ANKRD30A: variants seen among roughly 807,000 people sequenced by gnomAD.
ANKRD30A encodes ankyrin repeat domain 30A.
In ANKRD30A, 170 loss-of-function variants were observed where a neutral mutation model predicts 166.3. The ratio of observed to expected loss-of-function variants is 1.02; its 90% CI spans 0.90 to 1.16. ANKRD30A has a LOEUF of 1.16. ANKRD30A is among the 50% of genes most tolerant of loss of function. The pLI is 0.00. For synonymous variants in ANKRD30A, 564 were observed against 508.9 expected (o/e 1.11, Z -1.46); for missense variants, 1,630 against 1,518.0 (o/e 1.07, Z -1.23).
the ANKRD30A span, among the ~76,000 whole-genome samples, chr10:37,246,823 G>A: frequency 6.6e-6 from 1 of 152,268 alleles, no homozygotes; most frequent in Non-Finnish European, 1.5e-5. Context: ...ATTGTAGGAT[G>A]CTTACCAGAT....
chr10:37,197,125 T>C (rs1588901159), intron 27 of ANKRD30A, among the ~76,000 whole-genome samples, 156 bp from the exon 28 acceptor site: 2 of 152,150 alleles, frequency 1.3e-5, no homozygotes, highest in Admixed American at 6.6e-5. Flanking sequence ...TTGTCGTGTG[T>C]GTGTCCTAAA....
Position 37,218,779 on chromosome 10 carries a change from G to A in ANKRD30A, c.3268-201G>A, listed in dbSNP as rs1842729996. ...ATTTCTTTTGTACTTTCATGAATTC[G>A]TTGTCTTCAAATAAATGTTTGAACT... On this transcript the variant is annotated intron_variant, in intron 33 of 35. Coordinates refer to ENST00000361713, the MANE Select transcript of ANKRD30A (RefSeq NM_052997.3). Among the ~76,000 whole-genome samples the A allele has an allele frequency of 3.3e-5, 5 of 150,142 alleles. No individual in the cohort carries two copies. In the South Asian group the frequency reaches 8.3e-4, roughly 25 times the overall value.
chr10:37,215,313 C>T (rs2132730543), intron 31 of ANKRD30A, among the ~76,000 whole-genome samples: 1 of 151,458 alleles, frequency 6.6e-6, no homozygotes, highest in Non-Finnish European at 1.5e-5. Context: ...GTGATTTTCT[C>T]TAATTTTGTA....
At chr10:37,172,155 C>G (rs1192002708) in intron 21 of ANKRD30A, among the ~76,000 whole-genome samples, 1 of 102,562 alleles carries the variant, frequency 9.8e-6, no homozygotes, top group Non-Finnish European at 2.1e-5. Flanking sequence ...ACCATCCTGA[C>G]TAACGCGGTG....
chr10:37,130,326 CAGT>C lies in ANKRD30A; in HGVS notation c.459_461del (p.Val155del). On this transcript the variant is annotated inframe_deletion, in exon 3 of 36. Coordinates refer to ENST00000361713, the MANE Select transcript of ANKRD30A (RefSeq NM_052997.3). ...TATGCTGTTTATAGTGAGATTTTGTCAGTGGTGGCAAAACTGCTGTCCCATGGT... is the reference window on the plus strand; with the variant it reads ...TATGCTGTTTATAGTGAGATTTTGTCGGTGGCAAAACTGCTGTCCCATGGT... 6.3e-7 allele frequency: 1 copy of C among 1,585,324 alleles called. No homozygotes were observed. The highest frequency in any genetic ancestry group is 8.6e-7 in the Non-Finnish European group (1 of 1,166,466).
chr10:37,141,969 C>G lies in ANKRD30A; in HGVS notation c.1072C>G (p.Pro358Ala), dbSNP rs1352807613. ...GTTCGAACAGTCAGCAGAAGAAACA[C>G]CTAGGGAAATTACGAGTCCTGCAAA... ...GKFEQSAEET[P>A]REITSPAKET... Residue 358 changes from proline (P) to alanine (A), a missense_variant, in exon 7 of 36, where the codon CCT (proline) becomes GCT (alanine). Around this residue, in one of 4 missense-constraint regions of ANKRD30A, gnomAD observed 904 missense variants for 818.5 expected, o/e 1.10. Transcript: ENST00000361713. 14 of 1,613,838 alleles carry G rather than the reference C, an allele frequency of 8.7e-6. No homozygotes were observed. In the African/African-American group the frequency reaches 1.1e-4, roughly 12 times the overall value.
intron 29 of ANKRD30A, among the ~76,000 whole-genome samples, chr10:37,198,598 T>C (rs1212631790): frequency 1.3e-5 from 2 of 152,016 alleles, no homozygotes; most frequent in African/African-American, 4.8e-5. Flanking sequence ...CTTAGAGATA[T>C]GGTGTTGCAA....
chr10:37,199,613 C>A, intron 29 of ANKRD30A, 114 bp from the exon 30 acceptor site: 2 of 556,708 alleles, frequency 3.6e-6, no homozygotes, highest in South Asian at 4.3e-5. Flanking sequence ...AAAGAATATA[C>A]GGGCTACAGA....
intron 29 of ANKRD30A, among the ~76,000 whole-genome samples, chr10:37,198,783 C>A (rs1367252220): frequency 6.6e-6 from 1 of 152,092 alleles, no homozygotes; most frequent in Non-Finnish European, 1.5e-5. Context: ...TGATGGATGT[C>A]AAATGATATA....
At chr10:37,145,246 G>A (rs1254433862) in intron 8 of ANKRD30A, among the ~76,000 whole-genome samples, 190 bp downstream of exon 8, 1 of 152,228 alleles carries the variant, frequency 6.6e-6, no homozygotes, top group Non-Finnish European at 1.5e-5. Context: ...GAAGGCCCGA[G>A]GTGGGAGGAT....
chr10:37,161,627 C>G (rs1431406426), intron 15 of ANKRD30A, among the ~76,000 whole-genome samples: 6 of 152,102 alleles, frequency 3.9e-5, no homozygotes, highest in Admixed American at 6.5e-5. Flanking sequence ...ACTGTGGGCA[C>G]TCCAGAGACT....
the ANKRD30A span, among the ~76,000 whole-genome samples, chr10:37,252,652 A>C: frequency 6.6e-6 from 1 of 150,920 alleles, no homozygotes; most frequent in African/African-American, 2.4e-5. Flanking sequence ...ATCCCAGTTC[A>C]TGAATATAAA....
intron 15 of ANKRD30A, among the ~76,000 whole-genome samples, chr10:37,159,097 A>C (rs1047013492): frequency 4.5e-4 from 68 of 152,280 alleles, no homozygotes; most frequent in African/African-American, 1.6e-3. Context: ...TGCTAGACAT[A>C]GTGTTTTAGA....
intron 25 of ANKRD30A, among the ~76,000 whole-genome samples, chr10:37,192,286 C>G (rs185544942): frequency 4.6e-5 from 7 of 151,912 alleles, no homozygotes; most frequent in Non-Finnish European, 8.8e-5. Flanking sequence ...TCCAGAGATC[C>G]GCCCTCCTCG....
At chr10:37,202,519 C>A (rs1425847447) in intron 31 of ANKRD30A, among the ~76,000 whole-genome samples, 5 of 152,018 alleles carry the variant, frequency 3.3e-5, no homozygotes, top group Non-Finnish European at 7.4e-5. Flanking sequence ...GCACTAAATG[C>A]CCACAAGAGA....
chr10:37,259,889 G>A, the ANKRD30A span, among the ~76,000 whole-genome samples: 6 of 152,102 alleles, frequency 3.9e-5, no homozygotes, highest in Non-Finnish European at 5.9e-5. Flanking sequence ...TGCAGGTGTG[G>A]TTTGCATGAG....
chr10:37,178,470 G>A (rs1490121970), intron 24 of ANKRD30A: 1 of 919,302 alleles, frequency 1.1e-6, no homozygotes, highest in Non-Finnish European at 1.3e-6. Context: ...AAGTTCTCAG[G>A]TGATGCTGAT....
chr10:37,152,579 T>A (rs958872944), intron 12 of ANKRD30A, among the ~76,000 whole-genome samples: 14 of 152,132 alleles, frequency 9.2e-5, no homozygotes, highest in African/African-American at 3.1e-4. Flanking sequence ...TATTGACATA[T>A]GTTTATTGTT....
At chr10:37,143,975 AC>A (rs992316152) in intron 7 of ANKRD30A, among the ~76,000 whole-genome samples, 4 of 149,714 alleles carry the variant, frequency 2.7e-5, no homozygotes, top group African/African-American at 9.9e-5. Context: ...TGAAAGTTTG[AC>A]CCATCCAGGG....
Sources: gnomAD v4.1 joint callset for allele counts (sites outside exome capture counted in the v4.1 genomes callset) on GRCh38, gnomAD v4.1.1 for gene constraint, gnomAD v4.1.1 regional missense constraint, MANE v1.5 for transcripts, NCBI Gene and HGNC (gene_info 2026-07-23, HGNC 2026-07-21) for gene names.